LINGO1: variants seen among roughly 807,000 people sequenced by gnomAD.
LINGO1 encodes the protein leucine-rich repeat and immunoglobulin-like domain-containing nogo receptor-interacting protein 1.
A neutral mutation model predicts 37.3 loss-of-function variants in LINGO1; 11 were observed. The observed-to-expected ratio is 0.29, with a 90% CI of 0.19 to 0.49. The LOEUF (loss-of-function observed/expected upper bound fraction) is 0.49, where lower values mean the gene tolerates loss of function less well. Ranked by LOEUF, LINGO1 falls within the 20% of genes least tolerant of loss-of-function variation. The pLI, the probability that LINGO1 is intolerant of heterozygous loss-of-function variation, is 0.99. For synonymous variants in LINGO1, 387 were observed against 403.0 expected (o/e 0.96, Z 0.48); for missense variants, 585 against 878.2 (o/e 0.67, Z 4.22).
At chr15:77,710,918 GC>G (rs1240399418) in intron 2 of LINGO1, among the ~76,000 whole-genome samples, 25 of 152,258 alleles carry the variant, frequency 1.6e-4, no homozygotes, top group African/African-American at 6.0e-4. Context: ...CTGTTCACAG[GC>G]CTCAGGGGCC....
upstream of LINGO1, among the ~76,000 whole-genome samples, chr15:77,699,448 A>C (rs2075742113): frequency 1.4e-3 from 1 of 698 alleles, no homozygotes; most frequent in African/African-American, 4.5e-3. Flanking sequence ...CATAGTAAAC[A>C]CATACTAACC....
intron 1 of LINGO1, among the ~76,000 whole-genome samples, chr15:77,692,538 C>T (rs2075622206): frequency 6.6e-6 from 1 of 152,152 alleles, no homozygotes; most frequent in African/African-American, 2.4e-5. Flanking sequence ...AGCACACAAA[C>T]AAAAATTAAA....
At position 77,814,206 on chromosome 15, in the gene LINGO1, C is replaced by T. The variant is rs548193595; in HGVS notation, c.-458+6052G>A. On this transcript the variant is annotated intron_variant, in intron 1 of 5. Transcript: ENST00000562933. ...TAGACAGAAGACAAAGCCACTCCTC[C>T]CCCAGTCTCCACCCCAGAAGTTTGG... 2.0e-5 allele frequency among the ~76,000 whole-genome samples: 3 copies of T among 152,278 alleles called. No individual in the cohort carries two copies. In the East Asian group the frequency reaches 5.8e-4, roughly 29 times the overall value.
At chr15:77,807,749 T>A (rs2141473808) in intron 1 of LINGO1, among the ~76,000 whole-genome samples, 1 of 152,278 alleles carries the variant, frequency 6.6e-6, no homozygotes, top group South Asian at 2.1e-4. Flanking sequence ...TTGCCAACTA[T>A]CACAGCTTAA....
intron 2 of LINGO1, among the ~76,000 whole-genome samples, chr15:77,678,211 C>A (rs2075359505): frequency 6.6e-6 from 1 of 152,218 alleles, no homozygotes; most frequent in Admixed American, 6.5e-5. Flanking sequence ...GTAAAACTGA[C>A]CCTCTCTAGT....
At chr15:77,781,659 G>A (rs187501629) in intron 1 of LINGO1, among the ~76,000 whole-genome samples, 441 of 152,266 alleles carry the variant, frequency 2.9e-3, no homozygotes, top group Non-Finnish European at 5.0e-3. Context: ...ACCACCAGGC[G>A]TGTTCACATG....
intron 3 of LINGO1, among the ~76,000 whole-genome samples, chr15:77,662,920 G>C (rs948885886): frequency 1.3e-5 from 2 of 152,196 alleles, no homozygotes; most frequent in Non-Finnish European, 2.9e-5. Flanking sequence ...GGCACTGCAG[G>C]AGGCTCTGGG....
At chr15:77,728,208 C>T (rs2141326450) in intron 2 of LINGO1, among the ~76,000 whole-genome samples, 1 of 152,346 alleles carries the variant, frequency 6.6e-6, no homozygotes, top group Non-Finnish European at 1.5e-5. Context: ...TGCCCAGGTG[C>T]AGGCATTTTA....
At chr15:77,679,278 C>T (rs961730484) in intron 2 of LINGO1, among the ~76,000 whole-genome samples, 1 of 152,168 alleles carries the variant, frequency 6.6e-6, no homozygotes, top group Non-Finnish European at 1.5e-5. Context: ...AGTGCCATCA[C>T]TATTGGAGAT....
chr15:77,814,137 G>C (rs1037254106), intron 1 of LINGO1, among the ~76,000 whole-genome samples: 7 of 152,166 alleles, frequency 4.6e-5, no homozygotes, highest in Non-Finnish European at 1.0e-4. Context: ...ACCTATAATG[G>C]AAACAGGGCC....
chr15:77,813,067 T>G (rs549075354), intron 1 of LINGO1, among the ~76,000 whole-genome samples: 1 of 152,342 alleles, frequency 6.6e-6, no homozygotes, highest in Non-Finnish European at 1.5e-5. Context: ...GCCCAGTCCC[T>G]GCCACCAAGG....
chr15:77,761,940 C>T (rs8043064), intron 1 of LINGO1, among the ~76,000 whole-genome samples: 7,222 of 152,236 alleles, frequency 0.047, 539 homozygotes, highest in African/African-American at 0.16. Context: ...GGAGTGAGGC[C>T]GGGATGTGAT....
At chr15:77,786,010 C>G (rs117844478) in intron 1 of LINGO1, among the ~76,000 whole-genome samples, 1 of 152,156 alleles carries the variant, frequency 6.6e-6, no homozygotes, top group Non-Finnish European at 1.5e-5. Flanking sequence ...GAGTACAACG[C>G]CTCCGTGAGG....
chr15:77,748,064 C>T (rs759217667), intron 1 of LINGO1, among the ~76,000 whole-genome samples: 9 of 152,256 alleles, frequency 5.9e-5, no homozygotes, highest in Admixed American at 4.6e-4. Flanking sequence ...TCCCCTTCCA[C>T]ACAACTCTAA....
At chr15:77,732,751 C>T (rs939464830) in intron 2 of LINGO1, among the ~76,000 whole-genome samples, 1 of 152,232 alleles carries the variant, frequency 6.6e-6, no homozygotes, top group Non-Finnish European at 1.5e-5. Context: ...GGACAGATGC[C>T]GTTGTTGTAA....
intron 1 of LINGO1, among the ~76,000 whole-genome samples, chr15:77,692,902 AAG>A (rs1190457269): frequency 6.6e-6 from 1 of 152,216 alleles, no homozygotes; most frequent in Non-Finnish European, 1.5e-5. Context: ...CAAAAGGTGA[AAG>A]ACTTCACCAG....
At chr15:77,658,325 G>A (rs1409759585) in intron 3 of LINGO1, among the ~76,000 whole-genome samples, 2 of 152,244 alleles carry the variant, frequency 1.3e-5, no homozygotes, top group Non-Finnish European at 2.9e-5. Context: ...GGAAACTGAG[G>A]CCCAGAGAGG....
intron 1 of LINGO1, among the ~76,000 whole-genome samples, chr15:77,764,579 CAT>C (rs975759566): frequency 6.6e-6 from 1 of 152,206 alleles, no homozygotes; most frequent in African/African-American, 2.4e-5. Flanking sequence ...CCAGTAAACA[CAT>C]GAGAAGGCTT....
At position 77,623,643 on chromosome 15, in the gene LINGO1, C is replaced by T. The variant is rs918619058; in HGVS notation, c.7-7743G>A. ...TGGGGGCCAGGCAGCCAGTGTCCGCCGTCTCCCCGGGGGTTGGTCCGCCCC... is the reference window on the plus strand; with the variant it reads ...TGGGGGCCAGGCAGCCAGTGTCCGCTGTCTCCCCGGGGGTTGGTCCGCCCC... On this transcript the variant is annotated intron_variant, in intron 1 of 1. Transcript: ENST00000355300. Among the ~76,000 whole-genome samples, 6 of 152,288 alleles carry T rather than the reference C, an allele frequency of 3.9e-5. No individual in the cohort carries two copies. The South Asian group carries it at 6.2e-4, about 16-fold the overall frequency.
Sources: allele counts gnomAD v4.1 joint callset (sites outside exome capture counted in the v4.1 genomes callset), GRCh38; gene constraint gnomAD v4.1.1; transcripts MANE v1.5; gene names NCBI Gene and HGNC (gene_info 2026-07-23, HGNC 2026-07-21).